DSCAM: variants seen among roughly 807,000 people sequenced by gnomAD.
DSCAM encodes cell adhesion molecule DSCAM.
Under a neutral mutation model 217.7 loss-of-function variants are expected in DSCAM, and 47 were observed. The ratio of observed to expected loss-of-function variants is 0.22; its 90% CI spans 0.17 to 0.28. DSCAM has a LOEUF of 0.28. Ranked by LOEUF, DSCAM falls within the 10% of genes least tolerant of loss-of-function variation. The pLI is 1.00. For synonymous variants in DSCAM, 1,056 were observed against 1,015.3 expected (o/e 1.04, Z -0.76); for missense variants, 2,080 against 2,618.3 (o/e 0.79, Z 4.49).
chr21:40,396,985 C>T (rs886893470), intron 3 of DSCAM, among the ~76,000 whole-genome samples: 8 of 152,102 alleles, frequency 5.3e-5, no homozygotes, highest in African/African-American at 1.9e-4. Context: ...ATCATGATTG[C>T]CTAACTGACC....
At chr21:40,632,014 T>G (rs2089697812) in intron 3 of DSCAM, among the ~76,000 whole-genome samples, 1 of 152,230 alleles carries the variant, frequency 6.6e-6, no homozygotes, top group Non-Finnish European at 1.5e-5. Context: ...ACAGGTTCTG[T>G]GAGAAGGTGC....
At chr21:40,128,155 C>CA (rs1206433216) in intron 19 of DSCAM, among the ~76,000 whole-genome samples, 1 of 150,626 alleles carries the variant, frequency 6.6e-6, no homozygotes, top group Non-Finnish European at 1.5e-5. Context: ...CTGTCTCCCC[C>CA]ACTAGCTTGC....
intron 1 of DSCAM, among the ~76,000 whole-genome samples, chr21:40,834,089 G>A (rs1250476138): frequency 6.6e-6 from 1 of 152,090 alleles, no homozygotes; most frequent in Non-Finnish European, 1.5e-5. Context: ...AAGTAACCAA[G>A]TCATAAAAAT....
Position 40,187,982 on chromosome 21 carries a change from C to A in DSCAM, c.2559G>T (p.Leu853Phe). ...AACCAGAATCTTCTCTCACAGTTGG[C>A]AAAATCTATGTGTAAAGCAGAAAGA... ...GEEVISTLQILPTVREDSGFF... is the reference protein window; with the variant it reads ...GEEVISTLQIFPTVREDSGFF... Residue 853 changes from leucine (L) to phenylalanine (F), a missense_variant, in exon 13 of 33, where the codon TTG (leucine) becomes TTT (phenylalanine). Physicochemically the swap from Leu to Phe is conservative, Grantham distance 22. Around this residue, in one of 5 missense-constraint regions of DSCAM, gnomAD observed 1,144 missense variants for 1,421.1 expected, o/e 0.81. Transcript: ENST00000400454. 1 of 1,613,186 alleles carries A rather than the reference C, an allele frequency of 6.2e-7. No individual in the cohort carries two copies. Among genetic ancestry groups the A allele is most frequent in the Non-Finnish European group, 8.5e-7 (1 of 1,179,462 alleles).
intron 15 of DSCAM, among the ~76,000 whole-genome samples, chr21:40,174,075 C>T (rs1009822328): frequency 1.3e-5 from 2 of 152,104 alleles, no homozygotes; most frequent in African/African-American, 4.8e-5. Context: ...GTGGCTGATC[C>T]GTGTCAAAGA....
At chr21:40,164,951 C>T (rs1275619296) in intron 16 of DSCAM, among the ~76,000 whole-genome samples, 1 of 152,172 alleles carries the variant, frequency 6.6e-6, no homozygotes, top group Non-Finnish European at 1.5e-5. Context: ...CACCAAAGTG[C>T]CCCTTACCTT....
intron 3 of DSCAM, among the ~76,000 whole-genome samples, chr21:40,381,696 G>C (rs909014264): frequency 1.3e-5 from 2 of 152,156 alleles, no homozygotes; most frequent in Non-Finnish European, 2.9e-5. Flanking sequence ...GGAAAAATAG[G>C]AACCACCATA....
chr21:40,624,347 A>C (rs2089568284), intron 3 of DSCAM, among the ~76,000 whole-genome samples: 1 of 152,226 alleles, frequency 6.6e-6, no homozygotes, highest in South Asian at 2.1e-4. Flanking sequence ...CTTTTTTTAA[A>C]CTTTTTTTTA....
intron 1 of DSCAM, among the ~76,000 whole-genome samples, chr21:40,774,788 C>T (rs2091474218): frequency 6.6e-6 from 1 of 151,290 alleles, no homozygotes; most frequent in African/African-American, 2.4e-5. Context: ...TGAGATTCAG[C>T]TTAAACATCT....
chr21:40,600,713 G>T (rs765684930), intron 3 of DSCAM, among the ~76,000 whole-genome samples: 1 of 152,070 alleles, frequency 6.6e-6, no homozygotes, highest in Non-Finnish European at 1.5e-5. Flanking sequence ...GTTAAAGCAC[G>T]TATTGTAAAA....
At chr21:40,824,111 C>A (rs185386448) in intron 1 of DSCAM, among the ~76,000 whole-genome samples, 63 of 152,240 alleles carry the variant, frequency 4.1e-4, no homozygotes, top group Admixed American at 9.8e-4. Context: ...CTTGGATCAT[C>A]CCCATTGGGC....
At chr21:40,722,072 T>C (rs2090907485) in intron 1 of DSCAM, among the ~76,000 whole-genome samples, 1 of 152,012 alleles carries the variant, frequency 6.6e-6, no homozygotes, top group Non-Finnish European at 1.5e-5. Context: ...AACCTAAAGC[T>C]CTATATGCAG....
intron 1 of DSCAM, among the ~76,000 whole-genome samples, chr21:40,733,253 A>G (rs568910314): frequency 3.3e-5 from 5 of 152,328 alleles, no homozygotes; most frequent in African/African-American, 9.6e-5. Context: ...CTTGGAAAGA[A>G]CAGAGGAGCC....
intron 3 of DSCAM, among the ~76,000 whole-genome samples, chr21:40,474,518 A>G (rs2075916944): frequency 1.3e-5 from 2 of 152,138 alleles, no homozygotes; most frequent in Admixed American, 1.3e-4. Flanking sequence ...AACACATAAA[A>G]TAGCTAAAAA....
chr21:40,494,830 T>G (rs2076105093), intron 3 of DSCAM, among the ~76,000 whole-genome samples: 1 of 148,706 alleles, frequency 6.7e-6, no homozygotes, highest in Non-Finnish European at 1.5e-5. Flanking sequence ...TTGGGTTTTT[T>G]TTTTTCAAAA....
intron 3 of DSCAM, among the ~76,000 whole-genome samples, chr21:40,487,326 TGAGA>T (rs10598197): frequency 0.016 from 1,162 of 72,786 alleles, 17 homozygotes; most frequent in East Asian, 0.14. Context: ...TGTGTGTGTG[TGAGA>T]GAGAGAGAGA....
intron 1 of DSCAM, among the ~76,000 whole-genome samples, chr21:40,765,079 C>T (rs369812564): frequency 2.9e-4 from 42 of 144,530 alleles, no homozygotes; most frequent in African/African-American, 1.0e-3. Flanking sequence ...CAAACCTGCA[C>T]ATTCTGCACA....
chr21:40,043,808 G>A (rs760744586), intron 31 of DSCAM, among the ~76,000 whole-genome samples: 1 of 152,194 alleles, frequency 6.6e-6, no homozygotes, highest in Non-Finnish European at 1.5e-5. Flanking sequence ...AGTGGGGTAG[G>A]AACTAAATGG....
chr21:40,425,683 A>AG (rs2075467216), intron 3 of DSCAM, among the ~76,000 whole-genome samples: 1 of 151,636 alleles, frequency 6.6e-6, no homozygotes, highest in Admixed American at 6.6e-5. Flanking sequence ...AAAAAAAAAA[A>AG]AAAAAAACTC....
Sources: gnomAD v4.1 joint callset for allele counts (sites outside exome capture counted in the v4.1 genomes callset) on GRCh38, gnomAD v4.1.1 for gene constraint, gnomAD v4.1.1 regional missense constraint, MANE v1.5 for transcripts, NCBI Gene and HGNC (gene_info 2026-07-23, HGNC 2026-07-21) for gene names.